GABRA3: variants seen among roughly 807,000 people sequenced by gnomAD.
GABRA3 encodes the protein gamma-aminobutyric acid receptor subunit alpha-3.
GABRA3 carries 10 observed loss-of-function variants against 30.1 expected under a neutral mutation model. The observed-to-expected ratio is 0.33, with a 90% CI of 0.20 to 0.56. GABRA3 has a LOEUF of 0.56. Ranked by LOEUF, GABRA3 falls within the 20% of genes least tolerant of loss-of-function variation. The pLI, the probability that GABRA3 is intolerant of heterozygous loss-of-function variation, is 0.89. For missense variants in GABRA3, 233 were observed against 392.0 expected (o/e 0.59, Z 3.42); for synonymous variants, 151 against 146.8 (o/e 1.03, Z -0.21).
At chrX:152,275,333 T>A (rs1286630857) in intron 4 of GABRA3, among the ~76,000 whole-genome samples, 1 of 81,876 alleles carries the variant, frequency 1.2e-5, no homozygotes, top group Non-Finnish European at 2.1e-5. Flanking sequence ...AATATATATT[T>A]AATATTATAT....
intron 9 of GABRA3, among the ~76,000 whole-genome samples, chrX:152,186,456 C>A (rs1031711389): frequency 9.0e-6 from 1 of 110,913 alleles, no homozygotes; most frequent in Non-Finnish European, 1.9e-5. Context: ...CCTGCTTTGG[C>A]CTCCCAAACT....
intron 1 of GABRA3, among the ~76,000 whole-genome samples, chrX:152,373,534 T>C (rs1052840465): frequency 8.9e-6 from 1 of 112,010 alleles, no homozygotes; most frequent in Non-Finnish European, 1.9e-5. Context: ...CTCTGCAACT[T>C]TGCCAACATC....
chrX:152,178,267 C>T (rs113668541), intron 9 of GABRA3, among the ~76,000 whole-genome samples: 19 of 80,203 alleles, frequency 2.4e-4, no homozygotes, highest in Admixed American at 6.9e-4. Context: ...TGTGTGTGTG[C>T]GTGTGTGTGT....
At chrX:152,279,369 T>C (rs1195188482) in intron 4 of GABRA3, among the ~76,000 whole-genome samples, 1 of 111,974 alleles carries the variant, frequency 8.9e-6, no homozygotes, top group Admixed American at 9.5e-5. Flanking sequence ...AAATAGGGAA[T>C]CCTTTCCCCA....
At chrX:152,302,085 A>G (rs1405225718) in intron 3 of GABRA3, among the ~76,000 whole-genome samples, 1 of 111,672 alleles carries the variant, frequency 9.0e-6, no homozygotes, top group Non-Finnish European at 1.9e-5. Flanking sequence ...GAATAAAACA[A>G]TTCAAATATT....
chrX:152,275,714 G>A lies in GABRA3; in HGVS notation c.330+8954C>T, dbSNP rs189196470. Among the ~76,000 whole-genome samples the A allele has an allele frequency of 3.4e-3, 368 of 108,463 alleles. 3 individuals are homozygous for A. The East Asian group carries it at 0.04, about 12-fold the overall frequency. The allele number at this position is 108,463 out of a possible 115,157, so 94.2% of individuals were successfully genotyped here. A position where few individuals can be genotyped will look rare whatever the true frequency, so the allele number is the denominator to read the frequency against. On this transcript the variant is annotated intron_variant, in intron 4 of 9. Coordinates refer to ENST00000370314, the MANE Select transcript of GABRA3 (RefSeq NM_000808.4). ...GCAGAAGTTGCAGTGAGTCGAGATC[G>A]TGCAACTGCACTCCGGCCTGGACAA...
At chrX:152,400,480 G>A (rs759574564) in intron 1 of GABRA3, among the ~76,000 whole-genome samples, 4 of 111,148 alleles carry the variant, frequency 3.6e-5, no homozygotes, top group African/African-American at 9.8e-5. Context: ...CTGCACTCCC[G>A]CCTGGGCAAC....
At chrX:152,384,441 G>C (rs1390874821) in intron 1 of GABRA3, among the ~76,000 whole-genome samples, 1 of 111,985 alleles carries the variant, frequency 8.9e-6, no homozygotes, top group African/African-American at 3.2e-5. Context: ...GCATTGAATA[G>C]AGAGTTCAGA....
At chrX:152,228,093 G>A (rs1268877288) in intron 5 of GABRA3, among the ~76,000 whole-genome samples, 1 of 111,710 alleles carries the variant, frequency 9.0e-6, no homozygotes, top group Non-Finnish European at 1.9e-5. Flanking sequence ...CCTCACATAT[G>A]CAGTTAACCA....
chrX:152,202,472 C>A (rs530910432), intron 7 of GABRA3, among the ~76,000 whole-genome samples: 1 of 111,598 alleles, frequency 9.0e-6, no homozygotes, highest in Non-Finnish European at 1.9e-5. Context: ...CAATTAACAG[C>A]CTCTTGTGTA....
At chrX:152,249,462 T>C (rs1938515270) in intron 5 of GABRA3, among the ~76,000 whole-genome samples, 1 of 111,623 alleles carries the variant, frequency 9.0e-6, no homozygotes, top group Non-Finnish European at 1.9e-5. Flanking sequence ...ACAGTATATA[T>C]AATACGTAGT....
chrX:152,402,368 C>T (rs1929816595), intron 1 of GABRA3, among the ~76,000 whole-genome samples: 1 of 111,934 alleles, frequency 8.9e-6, no homozygotes, highest in South Asian at 3.7e-4. Flanking sequence ...ACAGCGAAAA[C>T]AAGATTGTCT....
chrX:152,168,649 GGGA>G, intron 9 of GABRA3, 86 bp from the exon 10 acceptor site: 2 of 724,595 alleles, frequency 2.8e-6, no homozygotes, highest in Admixed American at 5.7e-5. Context: ...AGAGGCTGCA[GGGA>G]GGAGGAGCCA....
At chrX:152,197,344 C>G (rs1923397815) in intron 8 of GABRA3, among the ~76,000 whole-genome samples, 1 of 111,693 alleles carries the variant, frequency 9.0e-6, no homozygotes. Context: ...ACTCTATGCA[C>G]TAAATTCCTC....
At chrX:152,296,336 C>T (rs2124449409) in intron 3 of GABRA3, among the ~76,000 whole-genome samples, 1 of 112,037 alleles carries the variant, frequency 8.9e-6, no homozygotes, top group East Asian at 2.8e-4. Flanking sequence ...GTGCTTTGTT[C>T]TCACGTTAAC....
chrX:152,437,667 G>A (rs759222980), intron 1 of GABRA3, among the ~76,000 whole-genome samples: 3 of 111,918 alleles, frequency 2.7e-5, no homozygotes, highest in Non-Finnish European at 3.8e-5. Context: ...AGATGAATAC[G>A]TCAGTGGAAC....
At chrX:152,261,333 C>A (rs1311479194) in intron 4 of GABRA3, among the ~76,000 whole-genome samples, 1 of 111,594 alleles carries the variant, frequency 9.0e-6, no homozygotes, top group East Asian at 2.8e-4. Context: ...AACAGTTCCC[C>A]AAATTCTTAA....
chrX:152,266,863 A>G (rs1035714357), intron 4 of GABRA3, among the ~76,000 whole-genome samples: 2 of 111,990 alleles, frequency 1.8e-5, no homozygotes, highest in African/African-American at 6.5e-5. Context: ...TCTACACCAC[A>G]TAAAACTCTG....
chrX:152,189,964 C>G, intron 8 of GABRA3, 23 bp from the exon 9 acceptor site: 1 of 1,063,573 alleles, frequency 9.4e-7, no homozygotes, highest in Non-Finnish European at 1.3e-6. Flanking sequence ...AAGATGAGAA[C>G]CAGTTGCAAC....
Sources: allele counts gnomAD v4.1 joint callset (sites outside exome capture counted in the v4.1 genomes callset), GRCh38; gene constraint gnomAD v4.1.1; transcripts MANE v1.5; gene names NCBI Gene and HGNC (gene_info 2026-07-23, HGNC 2026-07-21).